Variants in OXSR1 observed in about 807,000 individuals in gnomAD.
OXSR1 encodes oxidative stress responsive kinase 1, also known as serine/threonine-protein kinase OSR1.
Under a neutral mutation model 79.8 loss-of-function variants are expected in OXSR1, and 24 were observed. That is an observed-to-expected ratio of 0.30 (90% CI 0.22 to 0.42). The LOEUF (loss-of-function observed/expected upper bound fraction) is 0.42, where lower values mean the gene tolerates loss of function less well. Among genes scored for constraint, OXSR1 ranks in the 10% least tolerant of loss-of-function variants. The pLI is 1.00. For missense variants in OXSR1, 430 were observed against 618.4 expected (o/e 0.70, Z 3.23); for synonymous variants, 226 against 209.2 (o/e 1.08, Z -0.69).
chr3:38,174,100 A>G (rs1352601408), intron 1 of OXSR1, among the ~76,000 whole-genome samples: 1 of 152,256 alleles, frequency 6.6e-6, no homozygotes, highest in Non-Finnish European at 1.5e-5. Context: ...GAGGGCAGCT[A>G]GAGCAGAGTA....
At chr3:38,189,771 TG>T (rs1308458123) in intron 2 of OXSR1, among the ~76,000 whole-genome samples, 3 of 152,156 alleles carry the variant, frequency 2.0e-5, no homozygotes, top group Non-Finnish European at 4.4e-5. Context: ...TACAGTTTTG[TG>T]GGGGATGTCA....
intron 5 of OXSR1, among the ~76,000 whole-genome samples, chr3:38,220,862 A>AGGG (rs869094870): frequency 1.3e-5 from 2 of 152,260 alleles, no homozygotes; most frequent in Middle Eastern, 3.4e-3. Context: ...TTTACAGAAA[A>AGGG]GGGGGGATCA....
intron 6 of OXSR1, among the ~76,000 whole-genome samples, chr3:38,222,888 G>GTT (rs1308840534): frequency 2.6e-5 from 4 of 151,934 alleles, no homozygotes; most frequent in African/African-American, 7.3e-5. Context: ...GCAATTTTGT[G>GTT]TTTTTTTCCT....
At chr3:38,241,008 A>G (rs978108462) in intron 11 of OXSR1, among the ~76,000 whole-genome samples, 11 of 152,298 alleles carry the variant, frequency 7.2e-5, no homozygotes, top group African/African-American at 2.2e-4. Context: ...ATCATCAATG[A>G]AGCTAAATAT....
At chr3:38,201,100 C>A (rs903051036) in intron 4 of OXSR1, among the ~76,000 whole-genome samples, 2 of 151,920 alleles carry the variant, frequency 1.3e-5, no homozygotes, top group Admixed American at 1.3e-4. Context: ...GAAATGGGGT[C>A]GTGCTGTGTC....
chr3:38,184,285 A>AT (rs1464707133), intron 2 of OXSR1, among the ~76,000 whole-genome samples: 9 of 152,192 alleles, frequency 5.9e-5, no homozygotes, highest in African/African-American at 1.7e-4. Context: ...GGAATTGGTA[A>AT]TGTACGAGCA....
At chr3:38,190,951 AC>A in intron 3 of OXSR1, 112 bp downstream of exon 3, 1 of 678,736 alleles carries the variant, frequency 1.5e-6, no homozygotes, top group Non-Finnish European at 2.6e-6. Context: ...TTGAGGAGAT[AC>A]TGAAAATATA....
At chr3:38,226,784 T>G (rs570376169) in intron 8 of OXSR1, among the ~76,000 whole-genome samples, 3 of 151,738 alleles carry the variant, frequency 2.0e-5, no homozygotes, top group Admixed American at 6.6e-5. Context: ...TGTCACAGAT[T>G]GGAGGAAATT....
At chr3:38,177,575 C>T (rs138865292) in intron 1 of OXSR1, among the ~76,000 whole-genome samples, 4 of 151,950 alleles carry the variant, frequency 2.6e-5, no homozygotes, top group East Asian at 3.9e-4. Context: ...TCCTTCCTTT[C>T]GTTCTCTTTC....
chr3:38,221,691 C>CTA lies in OXSR1; in HGVS notation c.600+4_600+5insTA, dbSNP rs1261721560. 3 of 1,563,146 alleles carry CTA rather than the reference C, an allele frequency of 1.9e-6. No homozygotes were observed. The highest frequency in any genetic ancestry group is 2.6e-6 in the Non-Finnish European group (3 of 1,135,096). On this transcript the variant is annotated splice_donor_region_variant and intron_variant, in intron 6 of 17. Coordinates refer to ENST00000311806, the MANE Select transcript of OXSR1 (RefSeq NM_005109.3). ...GGCACCTGAAGTTATGGAACAGGTA[C>CTA]CGTGTCTTTTTTTCTGTTTTAAATG...
intron 11 of OXSR1, among the ~76,000 whole-genome samples, chr3:38,240,087 T>G (rs572885360): frequency 2.6e-5 from 4 of 152,202 alleles, no homozygotes; most frequent in Non-Finnish European, 5.9e-5. Flanking sequence ...AATTATATTT[T>G]AAGTGAATGT....
intron 9 of OXSR1, 38 bp from the exon 10 acceptor site, chr3:38,230,327 A>G: frequency 7.2e-7 from 1 of 1,379,560 alleles, no homozygotes; most frequent in South Asian, 1.2e-5. Flanking sequence ...GGTACCTTAA[A>G]AACTTGTAAG....
chr3:38,180,843 A>G (rs993791051), intron 1 of OXSR1, among the ~76,000 whole-genome samples: 1 of 151,862 alleles, frequency 6.6e-6, no homozygotes, highest in African/African-American at 2.4e-5. Flanking sequence ...TATAACTCTG[A>G]CTACTTCCAT....
intron 6 of OXSR1, among the ~76,000 whole-genome samples, chr3:38,222,926 T>A (rs1702617682): frequency 1.3e-5 from 2 of 152,244 alleles, no homozygotes; most frequent in African/African-American, 4.8e-5. Flanking sequence ...GTTTTTTATA[T>A]GTTCACATAG....
chr3:38,251,501 C>T (rs1180673448), intron 16 of OXSR1, 30 bp downstream of exon 16: 5 of 1,544,912 alleles, frequency 3.2e-6, no homozygotes, highest in Non-Finnish European at 4.5e-6. Flanking sequence ...CTCATGTGCT[C>T]CTGTGTCTCT....
intron 3 of OXSR1, 89 bp from the exon 4 acceptor site, chr3:38,198,633 A>G: frequency 1.1e-6 from 1 of 895,524 alleles, no homozygotes; most frequent in East Asian, 2.6e-5. Flanking sequence ...AGTTTATGAG[A>G]AGGTTCACAT....
intron 1 of OXSR1, among the ~76,000 whole-genome samples, chr3:38,175,659 T>G (rs1223038366): frequency 1.3e-5 from 2 of 152,240 alleles, no homozygotes; most frequent in Non-Finnish European, 2.9e-5. Context: ...TGAAATTTTT[T>G]CTTAGTCCTG....
intron 3 of OXSR1, among the ~76,000 whole-genome samples, chr3:38,198,171 GTTA>G (rs1362462184): frequency 2.0e-5 from 3 of 152,074 alleles, no homozygotes; most frequent in Non-Finnish European, 2.9e-5. Context: ...AAAAAGAACT[GTTA>G]TTTTTATTCT....
chr3:38,249,657 C>T (rs922507843), intron 14 of OXSR1, among the ~76,000 whole-genome samples: 2 of 152,014 alleles, frequency 1.3e-5, no homozygotes, highest in Admixed American at 1.3e-4. Context: ...TACAATTTTC[C>T]TCTTAGTTTT....
Sources: gnomAD v4.1 joint callset for allele counts (sites outside exome capture counted in the v4.1 genomes callset) on GRCh38, gnomAD v4.1.1 for gene constraint, MANE v1.5 for transcripts, NCBI Gene and HGNC (gene_info 2026-07-23, HGNC 2026-07-21) for gene names.